KIF1A: variants seen among roughly 807,000 people sequenced by gnomAD.
KIF1A encodes the protein kinesin family member 1A.
KIF1A carries 46 observed loss-of-function variants against 227.3 expected under a neutral mutation model. That is an observed-to-expected ratio of 0.20 (90% CI 0.16 to 0.26). The LOEUF (loss-of-function observed/expected upper bound fraction) is 0.26. Ranked by LOEUF, KIF1A falls within the 10% of genes least tolerant of loss-of-function variation. KIF1A has a pLI of 1.00. For synonymous variants in KIF1A, 1,022 were observed against 1,012.8 expected (o/e 1.01, Z -0.17); for missense variants, 1,683 against 2,485.9 (o/e 0.68, Z 6.87).
In KIF1A at chr2:240,726,746, G is replaced by T; in HGVS notation, c.4122+80C>A. 1 of 784,638 alleles carries T rather than the reference G, an allele frequency of 1.3e-6. No homozygotes were observed. Among genetic ancestry groups the T allele is most frequent in the East Asian group, 2.7e-5 (1 of 37,098 alleles). The allele number at this position is 784,638 out of a possible 1,614,324, so 48.6% of individuals were successfully genotyped here. On this transcript the variant is annotated intron_variant, in intron 39 of 48. Coordinates refer to ENST00000498729, the MANE Select transcript of KIF1A (RefSeq NM_001244008.2). The surrounding 1 kb of genome is among the most constrained non-coding windows in gnomAD (Gnocchi z 5.2). ...CTAGAGAAGTCGTCTGGGTCATATGGGGTTGTCCAGAGCTTACAAGAACCT... is the reference window on the plus strand; with the variant it reads ...CTAGAGAAGTCGTCTGGGTCATATGTGGTTGTCCAGAGCTTACAAGAACCT...
At position 240,766,749 on chromosome 2, in the gene KIF1A, TCACACACACACACACACACA is replaced by T. The variant is rs55815321; in HGVS notation, c.1684+146_1684+165del. Among the ~76,000 whole-genome samples the T allele has an allele frequency of 1.8e-5, 2 of 108,974 alleles. No individual in the cohort carries two copies. Among genetic ancestry groups the T allele is most frequent in the African/African-American group, 8.3e-5 (2 of 24,112 alleles). The allele number at this position is 108,974 out of a possible 152,430, so 71.5% of individuals were successfully genotyped here. ...CTCTCTCTCTCTCTCTCTCTCTCTCTCACACACACACACACACACACACACACACACACACACGTCCTGCC... is the reference window on the plus strand; with the variant it reads ...CTCTCTCTCTCTCTCTCTCTCTCTCTCACACACACACACACACGTCCTGCC... On this transcript the variant is annotated intron_variant, in intron 19 of 48. Coordinates refer to ENST00000498729, the MANE Select transcript of KIF1A (RefSeq NM_001244008.2). This position sits in a 1 kb window ranked among gnomAD's most constrained non-coding sequence, Gnocchi z 5.0.
In KIF1A at chr2:240,763,311, G is replaced by A. The variant is rs1020847767; in HGVS notation, c.1804C>T (p.Arg602Trp). The stretch of plus-strand genomic sequence containing the variant: ...CGGGCCTGCTCGGGGTGGTTGAACC[G>A]GAACACATGGCTCTTACCCATGATG... ...RIIMGKSHVF[R>W]FNHPEQARQE... Residue 602 changes from arginine to tryptophan, a missense_variant, in exon 21 of 49, where the codon CGG (arginine) becomes TGG (tryptophan). Arg to Trp is a moderately radical substitution (Grantham distance 101). Transcript: ENST00000498729. 2 of 1,595,554 alleles carry A rather than the reference G, an allele frequency of 1.3e-6. No homozygotes were observed. Among genetic ancestry groups the A allele is most frequent in the Non-Finnish European group, 8.5e-7 (1 of 1,171,370 alleles).
At chr2:240,799,577 G>T (rs2056771900) in intron 1 of KIF1A, among the ~76,000 whole-genome samples, 1 of 152,240 alleles carries the variant, frequency 6.6e-6, no homozygotes, top group South Asian at 2.1e-4. Flanking sequence ...AGGAGTGGCT[G>T]CCAGCGTGGA....
At position 240,795,791 on chromosome 2, in the gene KIF1A, T is replaced by C. The variant is rs566476308; in HGVS notation, c.106+1856A>G. ...GGACACACATTCCAACCCGCCCACC[T>C]GCCTAACCCTGTCATTTAGGGTCTG... On this transcript the variant is annotated intron_variant, in intron 2 of 48. Transcript: ENST00000498729. 8.5e-5 allele frequency among the ~76,000 whole-genome samples: 13 copies of C among 152,330 alleles called. No individual in the cohort carries two copies. In the East Asian group the frequency reaches 2.3e-3, roughly 27 times the overall value.
chr2:240,729,030 C>T (rs1157577653), intron 38 of KIF1A, among the ~76,000 whole-genome samples: 1 of 152,142 alleles, frequency 6.6e-6, no homozygotes, highest in Admixed American at 6.5e-5. Context: ...GTCTGGAACA[C>T]GTCAGCATCG....
chr2:240,799,809 A>T (rs1559540455), intron 1 of KIF1A, among the ~76,000 whole-genome samples: 1 of 152,184 alleles, frequency 6.6e-6, no homozygotes. Context: ...CAGTAATCCC[A>T]AGTACTAAAA....
chr2:240,811,417 T>C (rs2057854722), intron 1 of KIF1A, among the ~76,000 whole-genome samples: 1 of 152,178 alleles, frequency 6.6e-6, no homozygotes, highest in South Asian at 2.1e-4. Context: ...CAAGAAGTTG[T>C]TCTGTCAGCC....
intron 23 of KIF1A, among the ~76,000 whole-genome samples, chr2:240,762,307 G>A (rs972154555): frequency 2.0e-5 from 3 of 152,222 alleles, no homozygotes; most frequent in African/African-American, 4.8e-5. Context: ...TGTGCACAGT[G>A]GACTCTTCCT....
In KIF1A at chr2:240,745,417, A is replaced by T. The variant is rs2125788532; in HGVS notation, c.3465+10T>A. The T allele has an allele frequency of 2.5e-6, 4 of 1,603,872 alleles. No homozygotes were observed. Among genetic ancestry groups the T allele is most frequent in the Non-Finnish European group, 3.4e-6 (4 of 1,171,114 alleles). On this transcript the variant is annotated intron_variant, in intron 32 of 48. Coordinates refer to ENST00000498729, the MANE Select transcript of KIF1A (RefSeq NM_001244008.2). ...GTGGCAGGGATGGGGAGAAGTGCCC[A>T]GGAACGTACGTTCTGGACGTGGTAG...
At chr2:240,769,979 A>C (rs1306340226) in intron 15 of KIF1A, among the ~76,000 whole-genome samples, 1 of 152,208 alleles carries the variant, frequency 6.6e-6, no homozygotes, top group Non-Finnish European at 1.5e-5. Context: ...CGGCTCCTAA[A>C]GCACAGCCAT....
At chr2:240,723,388 G>A (rs1022375292) in intron 42 of KIF1A, 25 bp downstream of exon 42, 15 of 1,536,644 alleles carry the variant, frequency 9.8e-6, no homozygotes, top group African/African-American at 1.4e-5. Context: ...CACCGTGCGG[G>A]CCTCATCCTC....
At position 240,730,555 on chromosome 2, in the gene KIF1A, G is replaced by T. The variant is rs936540670; in HGVS notation, c.4008-3615C>A. On this transcript the variant is annotated intron_variant, in intron 38 of 48. Coordinates refer to ENST00000498729, the MANE Select transcript of KIF1A (RefSeq NM_001244008.2). Reference sequence around the variant, plus strand: ...AGGAAACATGCAACCCAGATGTGGAGGCCCAGGTTCTCCAGGGAGGCGATC... The same window carrying T: ...AGGAAACATGCAACCCAGATGTGGATGCCCAGGTTCTCCAGGGAGGCGATC... Among the ~76,000 whole-genome samples, 5 of 152,330 alleles carry T rather than the reference G, an allele frequency of 3.3e-5. No individual in the cohort carries two copies. In the South Asian group the frequency reaches 1.0e-3, roughly 32 times the overall value.
chr2:240,817,772 C>G (rs1353638918), intron 1 of KIF1A, among the ~76,000 whole-genome samples: 1 of 152,154 alleles, frequency 6.6e-6, no homozygotes, highest in African/African-American at 2.4e-5. Flanking sequence ...GCCTCCTCCT[C>G]CAGCTCACAT....
intron 1 of KIF1A, among the ~76,000 whole-genome samples, chr2:240,814,223 C>A (rs1260178940): frequency 6.6e-6 from 1 of 151,846 alleles, no homozygotes; most frequent in Non-Finnish European, 1.5e-5. Flanking sequence ...AAATGCGAAC[C>A]CCATCCTTAC....
At chr2:240,734,872 G>C (rs868840072) in intron 38 of KIF1A, 10 of 667,878 alleles carry the variant, frequency 1.5e-5, no homozygotes, top group Non-Finnish European at 2.4e-5. Flanking sequence ...GCTGCAAAGC[G>C]TGGGGCCTGG....
At chr2:240,797,936 T>C in intron 1 of KIF1A, 124 bp from the exon 2 acceptor site, 1 of 559,632 alleles carries the variant, frequency 1.8e-6, no homozygotes, top group Admixed American at 3.1e-5. Context: ...GATACATGCA[T>C]GGGGTGGAAT....
At chr2:240,772,630 G>T in intron 13 of KIF1A, 34 bp from the exon 14 acceptor site, 1 of 1,492,226 alleles carries the variant, frequency 6.7e-7, no homozygotes, top group Non-Finnish European at 9.1e-7. Flanking sequence ...GAGGGGGAGA[G>T]ACAGAGAAAC....
intron 23 of KIF1A, 136 bp downstream of exon 23, chr2:240,762,583 G>A (rs1254423959): frequency 8.0e-6 from 10 of 1,253,894 alleles, no homozygotes; most frequent in African/African-American, 1.5e-5. Context: ...GGGCAAGGAG[G>A]TCTTTCCCTA....
rs2048502707 is a variant in KIF1A at position 240,745,625 on chromosome 2, G to A, written c.3375-108C>T. 9.4e-6 allele frequency: 14 copies of A among 1,485,710 alleles called. 2 individuals carry two copies. The South Asian group carries it at 1.6e-4, about 17-fold the overall frequency. The allele number at this position is 1,485,710 out of a possible 1,614,324, so 92.0% of individuals were successfully genotyped here. A position where few individuals can be genotyped will look rare whatever the true frequency, so the allele number is the denominator to read the frequency against. ...GCGCTGGGGCGTTCAGGGCCTGCGG[G>A]CTGGGCCAACACAGCACCAACATGG... On this transcript the variant is annotated intron_variant, in intron 31 of 48. Transcript: ENST00000498729.
Sources: allele counts gnomAD v4.1 joint callset (sites outside exome capture counted in the v4.1 genomes callset), GRCh38; gene constraint gnomAD v4.1.1; non-coding constraint Gnocchi (gnomAD v3.1); transcripts MANE v1.5; gene names NCBI Gene and HGNC (gene_info 2026-07-23, HGNC 2026-07-21).